Variants in SHLD1 observed in about 807,000 individuals in gnomAD.
SHLD1 encodes shieldin complex subunit 1, also known as RINN1-REV7-interacting novel NHEJ regulator 3.
SHLD1 carries 3 observed loss-of-function variants against 5.5 expected under a neutral mutation model. The ratio of observed to expected loss-of-function variants is 0.54; its 90% confidence interval spans 0.25 to 1.40. SHLD1 has a LOEUF of 1.40. Among genes scored for constraint, SHLD1 ranks in the 40% most tolerant of loss-of-function variants. SHLD1 has a pLI of 0.15. For missense variants in SHLD1, 210 were observed against 244.4 expected, an observed-to-expected ratio of 0.86 and a Z score of 0.94; for synonymous variants, 92 against 94.3, an observed-to-expected ratio of 0.98 and a Z score of 0.14.
intron 2 of SHLD1, among the ~76,000 whole-genome samples, chr20:5,808,463 T>C (rs2087413993): frequency 6.6e-6 from 1 of 152,176 alleles, no homozygotes; most frequent in African/African-American, 2.4e-5. Context: ...TAAATACCAA[T>C]GGAATTTTAC....
intron 1 of SHLD1, among the ~76,000 whole-genome samples, chr20:5,768,906 T>G (rs967122774): frequency 2.1e-4 from 7 of 33,386 alleles, no homozygotes; most frequent in Non-Finnish European, 3.8e-4. Context: ...ATGTAATTGT[T>G]TTTTTTTTTT....
intron 2 of SHLD1, among the ~76,000 whole-genome samples, chr20:5,800,448 C>G (rs2087276320): frequency 6.6e-6 from 1 of 152,206 alleles, no homozygotes; most frequent in African/African-American, 2.4e-5. Context: ...ACTCCCAGCA[C>G]TTTGGGAGGC....
Position 5,820,199 on chromosome 20 carries a change from G to A in SHLD1, c.179-42825G>A, listed in dbSNP as rs902400404. Among the ~76,000 whole-genome samples, 4 of 152,176 alleles carry A rather than the reference G, an allele frequency of 2.6e-5. 1 individual carries two copies. Among genetic ancestry groups the A allele is most frequent in the South Asian group, 2.1e-4 (1 of 4,824 alleles). On this transcript the variant is annotated intron_variant, in intron 2 of 2. Coordinates refer to ENST00000303142, the MANE Select transcript of SHLD1 (RefSeq NM_152504.4). Reference sequence around the variant, plus strand: ...GACCTCAGGTGATCCGCCCACCTCGGCCTCCCAAAGTGCTGGGATTATAGG... The same window carrying A: ...GACCTCAGGTGATCCGCCCACCTCGACCTCCCAAAGTGCTGGGATTATAGG...
intron 2 of SHLD1, among the ~76,000 whole-genome samples, chr20:5,860,231 G>A (rs6053751): frequency 0.61 from 92,114 of 152,004 alleles, 28,507 homozygotes; most frequent in African/African-American, 0.72. Flanking sequence ...TCTAACAGCA[G>A]CATCATTTGT....
intron 2 of SHLD1, among the ~76,000 whole-genome samples, chr20:5,800,076 A>C (rs1011058699): frequency 6.6e-6 from 1 of 152,198 alleles, no homozygotes; most frequent in Non-Finnish European, 1.5e-5. Flanking sequence ...GGTTGTTGCA[A>C]CTGGGTAGGG....
chr20:5,839,851 C>T (rs1166706506), intron 2 of SHLD1, among the ~76,000 whole-genome samples: 3 of 152,182 alleles, frequency 2.0e-5, no homozygotes, highest in Admixed American at 6.5e-5. Flanking sequence ...AGGTGGTTAT[C>T]GAAGCCTGGG....
Position 5,855,907 on chromosome 20 carries a change from G to T in SHLD1, c.179-7117G>T, listed in dbSNP as rs1259921950. ...CACGTTAGCCAGTGAAATATGAACA[G>T]AAGTAATAGAGCTGTCCCAGTCACT... On this transcript the variant is annotated intron_variant, in intron 2 of 2. Coordinates refer to ENST00000303142, the MANE Select transcript of SHLD1 (RefSeq NM_152504.4). The surrounding 1 kb of genome is among the most constrained non-coding windows in gnomAD (Gnocchi z 4.4). Among the ~76,000 whole-genome samples, 1 of 152,196 alleles carries T rather than the reference G, an allele frequency of 6.6e-6. No homozygotes were observed. Among genetic ancestry groups the T allele is most frequent in the Non-Finnish European group, 1.5e-5 (1 of 68,040 alleles).
chr20:5,852,956 A>G (rs1359144318), intron 2 of SHLD1, among the ~76,000 whole-genome samples: 1 of 152,188 alleles, frequency 6.6e-6, no homozygotes, highest in African/African-American at 2.4e-5. Flanking sequence ...TGTTTCATTC[A>G]TTTGTTTATT....
intron 2 of SHLD1, among the ~76,000 whole-genome samples, chr20:5,825,456 G>T (rs1334228948): frequency 2.0e-5 from 3 of 152,236 alleles, no homozygotes; most frequent in African/African-American, 7.2e-5. Context: ...TCTGACTAGG[G>T]AGCATTTTCC....
intron 2 of SHLD1, among the ~76,000 whole-genome samples, chr20:5,853,531 T>G (rs930987209): frequency 1.3e-5 from 2 of 152,194 alleles, no homozygotes; most frequent in Non-Finnish European, 2.9e-5. Context: ...TTCAAGACCT[T>G]TTATGAAAAT....
chr20:5,754,750 C>A (rs565313017), intron 1 of SHLD1, among the ~76,000 whole-genome samples: 9 of 152,254 alleles, frequency 5.9e-5, no homozygotes, highest in African/African-American at 2.2e-4. Flanking sequence ...GTGTTGAAAT[C>A]AGCATAAAGA....
At chr20:5,770,724 G>C (rs1044475916) in intron 1 of SHLD1, among the ~76,000 whole-genome samples, 2 of 152,176 alleles carry the variant, frequency 1.3e-5, no homozygotes, top group African/African-American at 4.8e-5. Context: ...ATTATTTCCA[G>C]TTTAGGGTCT....
chr20:5,764,418 G>A (rs1350329822), intron 1 of SHLD1, among the ~76,000 whole-genome samples: 1 of 150,378 alleles, frequency 6.6e-6, no homozygotes, highest in African/African-American at 2.5e-5. Context: ...GGCCAAGTGA[G>A]GTGGCTTATG....
intron 2 of SHLD1, among the ~76,000 whole-genome samples, chr20:5,794,648 G>C (rs2087186167): frequency 6.6e-6 from 1 of 152,120 alleles, no homozygotes; most frequent in Admixed American, 6.6e-5. Context: ...AAAGTGCTTT[G>C]ATTTGTATTT....
chr20:5,755,285 A>G, intron 1 of SHLD1, among the ~76,000 whole-genome samples: 1 of 152,136 alleles, frequency 6.6e-6, no homozygotes, highest in East Asian at 1.9e-4. Flanking sequence ...TGGCAGGCGA[A>G]CTAGCATTAC....
chr20:5,848,535 C>T (rs1345688101), intron 2 of SHLD1, among the ~76,000 whole-genome samples: 1 of 152,174 alleles, frequency 6.6e-6, no homozygotes, highest in Non-Finnish European at 1.5e-5. Flanking sequence ...ACTTTTGCAC[C>T]AACCTATAAT....
At chr20:5,751,671 A>G (rs1361032468) in intron 1 of SHLD1, among the ~76,000 whole-genome samples, 1 of 152,190 alleles carries the variant, frequency 6.6e-6, no homozygotes, top group African/African-American at 2.4e-5. Flanking sequence ...CTGTTAGCAA[A>G]TAAATAAAAC....
intron 2 of SHLD1, among the ~76,000 whole-genome samples, chr20:5,846,281 C>T (rs1037715670): frequency 6.6e-6 from 1 of 152,194 alleles, no homozygotes; most frequent in Non-Finnish European, 1.5e-5. Flanking sequence ...CCCCAGGAAA[C>T]GGGGAATTAT....
chr20:5,826,497 A>G (rs1460123091), intron 2 of SHLD1, among the ~76,000 whole-genome samples: 1 of 151,852 alleles, frequency 6.6e-6, no homozygotes, highest in African/African-American at 2.4e-5. Flanking sequence ...CAGTTTGTAT[A>G]GGATAGCAAG....
Sources: gnomAD v4.1 joint callset for allele counts (sites outside exome capture counted in the v4.1 genomes callset) on GRCh38, gnomAD v4.1.1 for gene constraint, Gnocchi (gnomAD v3.1) non-coding constraint, MANE v1.5 for transcripts, NCBI Gene and HGNC (gene_info 2026-07-23, HGNC 2026-07-21) for gene names.